The following PLA2G4A variants were observed in gnomAD, a reference collection of about 807,000 sequenced individuals.
PLA2G4A encodes phospholipase A2 group IVA.
Under a neutral mutation model 81.9 loss-of-function variants are expected in PLA2G4A, and 40 were observed. The ratio of observed to expected loss-of-function variants is 0.49; its 90% CI spans 0.38 to 0.64. The LOEUF is 0.64. Among genes scored for constraint, PLA2G4A ranks in the 30% least tolerant of loss-of-function variants. The pLI, the probability that PLA2G4A is intolerant of heterozygous loss-of-function variation, is 0.00. For synonymous variants in PLA2G4A, 302 were observed against 296.9 expected, an observed-to-expected ratio of 1.02 and a Z score of -0.18; for missense variants, 715 against 905.1, an observed-to-expected ratio of 0.79 and a Z score of 2.69.
At chr1:186,886,558 C>T (rs1401338856) in intron 3 of PLA2G4A, among the ~76,000 whole-genome samples, 1 of 152,144 alleles carries the variant, frequency 6.6e-6, no homozygotes, top group Admixed American at 6.6e-5. Flanking sequence ...AGAGGCATTT[C>T]GTTCAACAAA....
chr1:186,847,824 T>G (rs929868341), intron 1 of PLA2G4A, among the ~76,000 whole-genome samples: 5 of 152,074 alleles, frequency 3.3e-5, no homozygotes, highest in African/African-American at 1.2e-4. Context: ...AAGAGACCAC[T>G]GAGAACGCTC....
chr1:186,862,303 C>T (rs1232893763), intron 2 of PLA2G4A, among the ~76,000 whole-genome samples: 4 of 141,404 alleles, frequency 2.8e-5, no homozygotes, highest in African/African-American at 1.1e-4. Flanking sequence ...CAGCCTCTGC[C>T]TCCCGGGTTC....
chr1:186,897,481 C>T (rs1654373691), intron 5 of PLA2G4A, among the ~76,000 whole-genome samples: 1 of 151,932 alleles, frequency 6.6e-6, no homozygotes, highest in Admixed American at 6.6e-5. Flanking sequence ...GAATACTTCT[C>T]TTCTTTTAAA....
intron 3 of PLA2G4A, among the ~76,000 whole-genome samples, chr1:186,890,926 A>C (rs1654115013): frequency 6.6e-6 from 1 of 151,966 alleles, no homozygotes; most frequent in South Asian, 2.1e-4. Flanking sequence ...ATATTGCCAT[A>C]ATAAATACAT....
intron 2 of PLA2G4A, among the ~76,000 whole-genome samples, chr1:186,860,229 CATT>C (rs1248457254): frequency 2.6e-5 from 4 of 151,996 alleles, no homozygotes; most frequent in African/African-American, 4.8e-5. Flanking sequence ...TATTATGAGA[CATT>C]AATTAATTGA....
rs1248505639 is a variant in PLA2G4A at position 186,922,895 on chromosome 1, A to C, written c.559-9868A>C. Among the ~76,000 whole-genome samples the C allele has an allele frequency of 2.6e-5, 4 of 152,314 alleles. No individual in the cohort carries two copies. The East Asian group carries it at 7.7e-4, about 29-fold the overall frequency. ...GGTTACGTGACGGGGGGCTGCATGC[A>C]CTGGTAATTAGAACAGAACAGAATA... On this transcript the variant is annotated intron_variant, in intron 7 of 17. Transcript: ENST00000367466.
intron 17 of PLA2G4A, among the ~76,000 whole-genome samples, chr1:186,982,643 T>C (rs1364641802): frequency 6.6e-6 from 1 of 151,422 alleles, no homozygotes; most frequent in Middle Eastern, 3.2e-3. Flanking sequence ...TATATGAACA[T>C]TGAGACTCAT....
chr1:186,988,693 ATTATGT>A lies in PLA2G4A; in HGVS notation c.*186_*191del. 1 of 527,994 alleles carries A rather than the reference ATTATGT, an allele frequency of 1.9e-6. No homozygotes were observed. The highest frequency in any genetic ancestry group is 2.6e-5 in the Admixed American group (1 of 39,028). 32.7% of individuals were successfully genotyped at this position (527,994 alleles called of 1,614,324 possible). ...TAAGTTAGGTTGACAAATGATGTTG[ATTATGT>A]AAGGATATACTTAGCTACATTTTCA... is the stretch of plus-strand genomic sequence containing the variant. On this transcript the variant is annotated 3_prime_UTR_variant, in exon 18 of 18. Coordinates refer to ENST00000367466, the MANE Select transcript of PLA2G4A (RefSeq NM_024420.3).
chr1:186,925,489 TC>T (rs1323558676), intron 7 of PLA2G4A, among the ~76,000 whole-genome samples: 1 of 152,184 alleles, frequency 6.6e-6, no homozygotes, highest in Non-Finnish European at 1.5e-5. Flanking sequence ...CTTTACTCCC[TC>T]CCAGTAAGCA....
At chr1:186,969,029 G>T (rs1657243370) in intron 15 of PLA2G4A, among the ~76,000 whole-genome samples, 1 of 151,662 alleles carries the variant, frequency 6.6e-6, no homozygotes, top group Non-Finnish European at 1.5e-5. Flanking sequence ...CTTTTAATTG[G>T]ATTATTTGTG....
At position 186,950,683 on chromosome 1, in the gene PLA2G4A, A is replaced by C. The variant is rs759665811; in HGVS notation, c.1291A>C (p.Ser431Arg). 2.5e-6 allele frequency: 4 copies of C among 1,601,718 alleles called. No homozygotes were observed. In the East Asian group the frequency reaches 8.9e-5, roughly 36 times the overall value. Reference protein sequence around the residue: ...LENITTKHIVSNDSSDSDDES... With the variant: ...LENITTKHIVRNDSSDSDDES... ...AAATATTACCACAAAGCATATTGTG[A>C]GTAATGATAGCTCGGACAGTGATGA... The change falls in exon 13 of 18, where the codon AGT (serine) becomes CGT (arginine). Residue 431 changes from serine to arginine, a missense_variant. Physicochemically the swap from Ser to Arg is moderately radical, Grantham distance 110 (BLOSUM62 -1). Transcript: ENST00000367466.
At position 186,965,577 on chromosome 1, in the gene PLA2G4A, C is replaced by T. The variant is rs867393885; in HGVS notation, c.1748C>T (p.Ser583Phe). The change falls in exon 15 of 18, where the codon TCT becomes TTT. Residue 583 changes from serine (S) to phenylalanine (F), a missense_variant. Transcript: ENST00000367466. ...GACTTTTCTGCAAGGCCAAGTGACT[C>T]TAGTCCTCCGTTCAAGGTAAGGATA... ...SFDFSARPSD[S>F]SPPFKELLLA... 6.2e-7 allele frequency: 1 copy of T among 1,611,348 alleles called. No individual in the cohort carries two copies. The highest frequency in any genetic ancestry group is 8.5e-7 in the Non-Finnish European group (1 of 1,177,466).
intron 17 of PLA2G4A, among the ~76,000 whole-genome samples, chr1:186,983,242 T>G (rs998414062): frequency 7.2e-5 from 11 of 152,230 alleles, no homozygotes; most frequent in Non-Finnish European, 2.9e-5. Flanking sequence ...CGATTCACAC[T>G]TCGGCAACAC....
intron 15 of PLA2G4A, among the ~76,000 whole-genome samples, chr1:186,967,896 T>C (rs1179345670): frequency 1.3e-5 from 2 of 152,028 alleles, no homozygotes; most frequent in African/African-American, 4.8e-5. Flanking sequence ...TTTAGGATGA[T>C]TAATCTGACA....
intron 17 of PLA2G4A, among the ~76,000 whole-genome samples, chr1:186,982,361 C>G (rs1255247285): frequency 6.6e-6 from 1 of 152,172 alleles, no homozygotes; most frequent in African/African-American, 2.4e-5. Flanking sequence ...TCCACTTCCT[C>G]GTCTCTGAAA....
At chr1:186,963,818 T>C (rs961210022) in intron 14 of PLA2G4A, among the ~76,000 whole-genome samples, 2 of 152,236 alleles carry the variant, frequency 1.3e-5, no homozygotes, top group Non-Finnish European at 2.9e-5. Context: ...TATTAATAAC[T>C]ATGCCAAAGT....
At chr1:186,843,421 C>T (rs1652057444) in intron 1 of PLA2G4A, among the ~76,000 whole-genome samples, 1 of 152,140 alleles carries the variant, frequency 6.6e-6, no homozygotes. Context: ...ATGCAAATCC[C>T]CCAGTTTGCT....
intron 5 of PLA2G4A, among the ~76,000 whole-genome samples, chr1:186,897,652 G>T (rs1654380431): frequency 1.3e-5 from 2 of 152,038 alleles, no homozygotes; most frequent in Admixed American, 6.6e-5. Flanking sequence ...GAGATTACAG[G>T]CACGTGCCAT....
chr1:186,977,237 C>T (rs12720684), intron 15 of PLA2G4A, among the ~76,000 whole-genome samples: 8,500 of 152,144 alleles, frequency 0.056, 291 homozygotes, highest in Middle Eastern at 0.11. Flanking sequence ...CATCAGATTC[C>T]TTTTTTACTC....
Sources: allele counts gnomAD v4.1 joint callset (sites outside exome capture counted in the v4.1 genomes callset), GRCh38; gene constraint gnomAD v4.1.1; transcripts MANE v1.5; gene names NCBI Gene and HGNC (gene_info 2026-07-23, HGNC 2026-07-21).